Variants in PCSK5 observed in about 807,000 individuals in gnomAD.
The protein encoded by PCSK5 is prohormone convertase 5.
Under a neutral mutation model 233.2 loss-of-function variants are expected in PCSK5, and 129 were observed. That is an observed-to-expected ratio of 0.55 (90% CI 0.48 to 0.64). The LOEUF is 0.64. Among genes scored for constraint, PCSK5 ranks in the 30% least tolerant of loss-of-function variants. The pLI, the probability that PCSK5 is intolerant of heterozygous loss-of-function variation, is 0.00. For synonymous variants in PCSK5, 825 were observed against 879.2 expected, an observed-to-expected ratio of 0.94 and a Z score of 1.09; for missense variants, 2,076 against 2,430.1, an observed-to-expected ratio of 0.85 and a Z score of 3.06.
intron 2 of PCSK5, among the ~76,000 whole-genome samples, chr9:75,969,645 C>T (rs1825735132): frequency 6.6e-6 from 1 of 152,118 alleles, no homozygotes; most frequent in Admixed American, 6.5e-5. Flanking sequence ...AAGAAGCAAG[C>T]TTGTTGGTGG....
intron 35 of PCSK5, among the ~76,000 whole-genome samples, chr9:76,341,647 G>A (rs747142883): frequency 2.6e-5 from 4 of 152,116 alleles, no homozygotes; most frequent in Non-Finnish European, 5.9e-5. Context: ...CTGGTCTTAA[G>A]CTCACTGTAA....
intron 20 of PCSK5, among the ~76,000 whole-genome samples, chr9:76,226,543 C>G (rs1302727865): frequency 6.6e-6 from 1 of 152,142 alleles, no homozygotes; most frequent in African/African-American, 2.4e-5. Context: ...CTCAGATTGA[C>G]AGTGTTCAGA....
intron 3 of PCSK5, among the ~76,000 whole-genome samples, chr9:75,998,493 A>G (rs1379372052): frequency 2.0e-5 from 3 of 152,196 alleles, no homozygotes; most frequent in Non-Finnish European, 4.4e-5. Flanking sequence ...CTCATGCTCA[A>G]TACCGCTCTA....
intron 8 of PCSK5, among the ~76,000 whole-genome samples, chr9:76,106,663 C>A (rs768919872): frequency 3.3e-5 from 5 of 152,176 alleles, no homozygotes; most frequent in Admixed American, 2.0e-4. Flanking sequence ...CATGTTATAT[C>A]TTTGAGGAAG....
intron 34 of PCSK5, among the ~76,000 whole-genome samples, chr9:76,334,214 CCA>C (rs1829615186): frequency 6.6e-6 from 1 of 152,116 alleles, no homozygotes; most frequent in African/African-American, 2.4e-5. Flanking sequence ...CAACCATCTC[CCA>C]CAGGGTCCCT....
intron 27 of PCSK5, among the ~76,000 whole-genome samples, chr9:76,298,138 T>G (rs1198869489): frequency 1.3e-5 from 2 of 152,168 alleles, no homozygotes; most frequent in Non-Finnish European, 2.9e-5. Context: ...GTATTTTATC[T>G]GGCGTCCAGA....
At chr9:75,927,229 T>G (rs2131269182) in intron 1 of PCSK5, among the ~76,000 whole-genome samples, 1 of 152,346 alleles carries the variant, frequency 6.6e-6, no homozygotes, top group Admixed American at 6.5e-5. Context: ...GCCATTTGTA[T>G]ATCTTCTTTT....
At chr9:76,139,220 G>A (rs1430372249) in intron 10 of PCSK5, among the ~76,000 whole-genome samples, 1 of 152,104 alleles carries the variant, frequency 6.6e-6, no homozygotes, top group East Asian at 1.9e-4. Flanking sequence ...TAAGCATGCT[G>A]TGTGTTCAAT....
intron 2 of PCSK5, among the ~76,000 whole-genome samples, chr9:75,959,766 A>G (rs1304358191): frequency 1.3e-5 from 2 of 152,308 alleles, no homozygotes; most frequent in South Asian, 2.1e-4. Flanking sequence ...ATAAACATTC[A>G]ACTGAAAAGA....
At chr9:76,170,040 A>G (rs1276143010) in intron 13 of PCSK5, among the ~76,000 whole-genome samples, 200 bp downstream of exon 13, 2 of 152,242 alleles carry the variant, frequency 1.3e-5, no homozygotes, top group African/African-American at 4.8e-5. Flanking sequence ...GAAATAAAGA[A>G]TACATATAGT....
intron 10 of PCSK5, among the ~76,000 whole-genome samples, chr9:76,143,786 C>T (rs977707667): frequency 2.6e-5 from 4 of 151,172 alleles, no homozygotes; most frequent in Non-Finnish European, 5.9e-5. Context: ...TAATAAACCC[C>T]GGGCAAAGGG....
At chr9:76,021,232 G>A (rs1390737965) in intron 3 of PCSK5, among the ~76,000 whole-genome samples, 1 of 152,050 alleles carries the variant, frequency 6.6e-6, no homozygotes, top group Non-Finnish European at 1.5e-5. Context: ...TTACAGTCAG[G>A]GAGACAAAAT....
At chr9:75,906,377 C>T (rs1826264789) in intron 1 of PCSK5, among the ~76,000 whole-genome samples, 1 of 152,168 alleles carries the variant, frequency 6.6e-6, no homozygotes. Context: ...AGGTGTCTGT[C>T]ACCATGCCCG....
chr9:76,169,786 TG>T lies in PCSK5; in HGVS notation c.1705del (p.Val569SerfsTer11). 1 of 1,613,804 alleles carries T rather than the reference TG, an allele frequency of 6.2e-7. No homozygotes were observed. Among genetic ancestry groups the T allele is most frequent in the Non-Finnish European group, 8.5e-7 (1 of 1,179,702 alleles). ...CTGGGGAGAAAGAGCTGCTGGTGACTGGGTCCTTGAAGTTTATGATACTCCC... is the reference window on the plus strand; with the variant it reads ...CTGGGGAGAAAGAGCTGCTGGTGACTGGTCCTTGAAGTTTATGATACTCCC... The part of the protein sequence containing the change: ...HCWGERAAGD[W>X]VLEVYDTPSQ... On this transcript the variant is annotated frameshift_variant, in exon 13 of 38. Coordinates refer to ENST00000674117, the MANE Select transcript of PCSK5 (RefSeq NM_001372043.1). LOFTEE classifies it high-confidence loss of function.
intron 24 of PCSK5, chr9:76,286,446 G>A (rs1276073430): frequency 6.5e-6 from 1 of 153,100 alleles, no homozygotes; most frequent in Non-Finnish European, 1.5e-5. Context: ...CATTGATTGG[G>A]ATATTTAAGT....
chr9:75,994,398 T>C, intron 3 of PCSK5, among the ~76,000 whole-genome samples: 1 of 22,048 alleles, frequency 4.5e-5, no homozygotes, highest in Non-Finnish European at 1.1e-4. Flanking sequence ...CTTTCTTTCT[T>C]TCTTTTTTTT....
chr9:76,351,323 A>G (rs987441220), intron 36 of PCSK5, among the ~76,000 whole-genome samples: 1 of 151,756 alleles, frequency 6.6e-6, no homozygotes, highest in Non-Finnish European at 1.5e-5. Flanking sequence ...CACACAGCTA[A>G]TGTTGGTCTT....
chr9:76,169,408 T>G (rs532490353), intron 12 of PCSK5, among the ~76,000 whole-genome samples: 2 of 152,222 alleles, frequency 1.3e-5, no homozygotes, highest in Non-Finnish European at 2.9e-5. Context: ...TTCAATACTC[T>G]ACTGTCAGTC....
At chr9:76,103,287 A>G (rs1334543531) in intron 8 of PCSK5, among the ~76,000 whole-genome samples, 1 of 152,200 alleles carries the variant, frequency 6.6e-6, no homozygotes, top group African/African-American at 2.4e-5. Context: ...ACCAGAAACA[A>G]ATTCAACCTA....
Sources: allele counts gnomAD v4.1 joint callset (sites outside exome capture counted in the v4.1 genomes callset), GRCh38; gene constraint gnomAD v4.1.1; transcripts MANE v1.5; gene names NCBI Gene and HGNC (gene_info 2026-07-23, HGNC 2026-07-21).